The following NRXN1 variants were observed in gnomAD, a reference collection of about 807,000 sequenced individuals.
NRXN1 encodes the protein neurexin-1.
Under a neutral mutation model 150.9 loss-of-function variants are expected in NRXN1, and 39 were observed. That is an observed-to-expected ratio of 0.26 (90% CI 0.20 to 0.34). The LOEUF (loss-of-function observed/expected upper bound fraction) is 0.34, where lower values mean the gene tolerates loss of function less well. NRXN1 is among the 10% of genes least tolerant of loss of function. The pLI is 1.00. For synonymous variants in NRXN1, 924 were observed against 757.0 expected (o/e 1.22, Z -3.62); for missense variants, 1,815 against 1,949.9 (o/e 0.93, Z 1.30).
intron 5 of NRXN1, among the ~76,000 whole-genome samples, chr2:50,665,894 G>T (rs1021363846): frequency 2.0e-5 from 3 of 151,846 alleles, no homozygotes; most frequent in Non-Finnish European, 4.4e-5. Context: ...ATCTTCTTAA[G>T]ACACCGTTGA....
chr2:50,826,491 A>G (rs1369797384), intron 5 of NRXN1, among the ~76,000 whole-genome samples: 2 of 152,118 alleles, frequency 1.3e-5, no homozygotes, highest in East Asian at 3.9e-4. Context: ...CTACTAGATG[A>G]TGGTGGCCTG....
chr2:50,989,500 C>T (rs1375538929), intron 2 of NRXN1, among the ~76,000 whole-genome samples: 1 of 151,924 alleles, frequency 6.6e-6, no homozygotes, highest in Non-Finnish European at 1.5e-5. Flanking sequence ...CAATTGTTTT[C>T]TGTCCCTGTA....
chr2:49,979,688 T>C (rs1258796488), intron 21 of NRXN1, among the ~76,000 whole-genome samples: 1 of 152,204 alleles, frequency 6.6e-6, no homozygotes, highest in African/African-American at 2.4e-5. Context: ...TTTTAAGAGA[T>C]GGGAAAAATA....
At chr2:50,329,310 A>G (rs772388197) in intron 17 of NRXN1, among the ~76,000 whole-genome samples, 13 of 152,118 alleles carry the variant, frequency 8.5e-5, no homozygotes, top group Non-Finnish European at 1.9e-4. Flanking sequence ...AAGATGTTCA[A>G]ACGCAGTAGA....
At chr2:50,754,614 T>C (rs1026618512) in intron 5 of NRXN1, among the ~76,000 whole-genome samples, 9 of 151,830 alleles carry the variant, frequency 5.9e-5, no homozygotes, top group African/African-American at 2.2e-4. Context: ...AAGCATATTG[T>C]TTGCTGTGGT....
chr2:50,474,829 G>T (rs1053815448), intron 15 of NRXN1, among the ~76,000 whole-genome samples: 1 of 24,320 alleles, frequency 4.1e-5, no homozygotes, highest in African/African-American at 1.6e-4. Flanking sequence ...TTACCCGCCC[G>T]CCCCCCTACC....
intron 19 of NRXN1, among the ~76,000 whole-genome samples, chr2:50,079,394 G>C (rs1266689809): frequency 1.3e-5 from 2 of 151,924 alleles, no homozygotes; most frequent in African/African-American, 2.4e-5. Context: ...TGTTGCTTTT[G>C]AGCTATAATG....
chr2:50,805,735 G>A (rs905053086), intron 5 of NRXN1, among the ~76,000 whole-genome samples: 1 of 152,098 alleles, frequency 6.6e-6, no homozygotes, highest in African/African-American at 2.4e-5. Context: ...TTAAAAAATA[G>A]AATTTAAAAT....
intron 5 of NRXN1, among the ~76,000 whole-genome samples, chr2:50,739,044 T>G (rs1036141063): frequency 2.0e-5 from 3 of 152,144 alleles, no homozygotes; most frequent in Non-Finnish European, 4.4e-5. Context: ...TTCTAAACTC[T>G]CAGCAGGAAT....
rs200146972 is a variant in NRXN1, at chr2:50,472,463, A to G, written c.3079T>C (p.Tyr1027His). ...GTTTCTTTAGCTACTCCTCCTATAT[A>G]TAAGTCACCTGCAAGAAGATCAAAG... The part of the protein sequence containing the change: ...ARNLDLKSDL[Y>H]IGGVAKETYK... The change falls in exon 16 of 23, where the codon TAT becomes CAT. Residue 1027 changes from tyrosine (Y) to histidine (H), a missense_variant. By Grantham distance (83) the Tyr-to-His change is moderately conservative. Transcript: ENST00000401669. 15 of 1,610,514 alleles carry G rather than the reference A, an allele frequency of 9.3e-6. No homozygotes were observed. Among genetic ancestry groups the G allele is most frequent in the Non-Finnish European group, 1.3e-5 (15 of 1,177,704 alleles).
At position 50,758,806 on chromosome 2, in the gene NRXN1, G is replaced by A. The variant is rs768338095; in HGVS notation, c.833-135191C>T. ...TTGGAGAGCTCTCACTCATCTATTC[G>A]CACCAACCTAATCACAATGCTACTG... On this transcript the variant is annotated intron_variant, in intron 5 of 22. Transcript: ENST00000401669. Among the ~76,000 whole-genome samples the A allele has an allele frequency of 1.6e-4, 24 of 151,854 alleles. 1 individual carries two copies. The highest frequency in any genetic ancestry group is 3.9e-4 in the African/African-American group (16 of 41,458).
At chr2:51,013,011 T>C (rs1252591674) in intron 2 of NRXN1, among the ~76,000 whole-genome samples, 2 of 152,026 alleles carry the variant, frequency 1.3e-5, no homozygotes, top group Admixed American at 6.6e-5. Context: ...ACATAGGATA[T>C]AAACGGACTG....
chr2:50,423,574 T>C (rs1572914650), intron 17 of NRXN1, among the ~76,000 whole-genome samples: 1 of 152,258 alleles, frequency 6.6e-6, no homozygotes, highest in South Asian at 2.1e-4. Context: ...AAGCGAGATA[T>C]TAATTTTTTT....
At chr2:50,337,405 T>G (rs28581739) in intron 17 of NRXN1, among the ~76,000 whole-genome samples, 18,475 of 152,182 alleles carry the variant, frequency 0.12, 3,349 homozygotes, top group African/African-American at 0.39. Flanking sequence ...ACTTTCTAAT[T>G]GGCCTGCTTG....
intron 12 of NRXN1, among the ~76,000 whole-genome samples, chr2:50,511,130 G>A (rs1306385879): frequency 1.3e-5 from 2 of 151,732 alleles, no homozygotes; most frequent in African/African-American, 4.8e-5. Flanking sequence ...GTGCAATCTC[G>A]GCTCACTGCA....
intron 5 of NRXN1, among the ~76,000 whole-genome samples, chr2:50,638,429 A>C (rs1036204054): frequency 6.6e-6 from 1 of 152,216 alleles, no homozygotes; most frequent in South Asian, 2.1e-4. Flanking sequence ...AATACACAAT[A>C]AAATAGACAC....
At chr2:50,733,875 T>C (rs975712790) in intron 5 of NRXN1, among the ~76,000 whole-genome samples, 1 of 152,220 alleles carries the variant, frequency 6.6e-6, no homozygotes, top group Non-Finnish European at 1.5e-5. Flanking sequence ...TTTTAAATCT[T>C]CTAACTACCT....
chr2:50,941,409 T>C (rs1232436468), intron 2 of NRXN1, among the ~76,000 whole-genome samples: 1 of 152,150 alleles, frequency 6.6e-6, no homozygotes, highest in Non-Finnish European at 1.5e-5. Flanking sequence ...CAGGAAGATA[T>C]GGGAAAGTTT....
intron 5 of NRXN1, among the ~76,000 whole-genome samples, chr2:50,650,761 A>G (rs559832520): frequency 6.6e-6 from 1 of 152,176 alleles, no homozygotes; most frequent in South Asian, 2.1e-4. Flanking sequence ...CTCATAGCCT[A>G]TTTTAAAACT....
Sources: allele counts gnomAD v4.1 joint callset (sites outside exome capture counted in the v4.1 genomes callset), GRCh38; gene constraint gnomAD v4.1.1; transcripts MANE v1.5; gene names NCBI Gene and HGNC (gene_info 2026-07-23, HGNC 2026-07-21).